Variants in SDK1 observed in about 807,000 individuals in gnomAD.
SDK1 encodes sidekick cell adhesion molecule 1, also known as protein sidekick-1.
SDK1 carries 157 observed loss-of-function variants against 245.5 expected under a neutral mutation model. The observed-to-expected ratio is 0.64, with a 90% confidence interval of 0.56 to 0.73. The LOEUF is 0.73. Among genes scored for constraint, SDK1 ranks in the 30% least tolerant of loss-of-function variants. The probability of loss-of-function intolerance (pLI) is 0.00; values close to 1 mark genes in which losing one functional copy is unlikely to be tolerated. For missense variants in SDK1, 3,583 were observed against 3,002.3 expected (o/e 1.19, Z -4.52); for synonymous variants, 1,647 against 1,278.5 (o/e 1.29, Z -6.15).
intron 4 of SDK1, among the ~76,000 whole-genome samples, chr7:3,704,123 T>C (rs887466543): frequency 3.3e-5 from 5 of 152,180 alleles, no homozygotes; most frequent in Non-Finnish European, 5.9e-5. Flanking sequence ...CTTCCACTTA[T>C]AAGTGAGAAC....
At chr7:4,107,123 G>A (rs932390003) in intron 22 of SDK1, among the ~76,000 whole-genome samples, 3 of 135,600 alleles carry the variant, frequency 2.2e-5, no homozygotes, top group African/African-American at 9.0e-5. Flanking sequence ...GGGTGGGGAG[G>A]GTGGGGAGGG....
At chr7:3,687,477 C>T (rs1784320835) in intron 4 of SDK1, among the ~76,000 whole-genome samples, 1 of 152,208 alleles carries the variant, frequency 6.6e-6, no homozygotes, top group Admixed American at 6.5e-5. Flanking sequence ...TCCCAAATGT[C>T]CCTCAGCTGG....
chr7:3,709,677 G>T (rs1784985960), intron 4 of SDK1, among the ~76,000 whole-genome samples: 1 of 152,120 alleles, frequency 6.6e-6, no homozygotes, highest in South Asian at 2.1e-4. Flanking sequence ...TGCTAACACT[G>T]CCTCCAATCC....
At chr7:3,436,612 T>C (rs1314141563) in intron 1 of SDK1, among the ~76,000 whole-genome samples, 1 of 152,230 alleles carries the variant, frequency 6.6e-6, no homozygotes, top group African/African-American at 2.4e-5. Context: ...GATTATACTT[T>C]AGAAAGTACT....
At chr7:3,622,614 G>T (rs1454484060) in intron 2 of SDK1, among the ~76,000 whole-genome samples, 2 of 152,168 alleles carry the variant, frequency 1.3e-5, no homozygotes, top group Non-Finnish European at 2.9e-5. Flanking sequence ...GGAAGAGGTG[G>T]AACACTCTTT....
chr7:4,087,471 A>T lies in SDK1; in HGVS notation c.3324+7887A>T, dbSNP rs564423058. Among the ~76,000 whole-genome samples, 33 of 108,078 alleles carry T rather than the reference A, an allele frequency of 3.1e-4. 1 individual carries two copies. The highest frequency in any genetic ancestry group is 2.3e-3 in the African/African-American group (32 of 13,834). The allele number at this position is 108,078 out of a possible 152,430, so 70.9% of individuals were successfully genotyped here. On this transcript the variant is annotated intron_variant, in intron 22 of 44. Transcript: ENST00000404826. ...ATAACCAATGTGTGTGCACAGACAC[A>T]CACGCGCGCACACACACACACACAC...
intron 4 of SDK1, chr7:3,642,714 C>T (rs758375846): frequency 6.6e-6 from 1 of 152,112 alleles, no homozygotes; most frequent in Non-Finnish European, 1.5e-5. Context: ...ATCTAATGCC[C>T]GACAGGTTTT....
intron 14 of SDK1, among the ~76,000 whole-genome samples, chr7:3,990,240 C>T (rs914410853): frequency 3.9e-5 from 6 of 152,254 alleles, no homozygotes; most frequent in Non-Finnish European, 8.8e-5. Context: ...CAGTCCTGGG[C>T]ACCACCTCGG....
At chr7:4,178,841 A>G (rs1054232249) in intron 35 of SDK1, among the ~76,000 whole-genome samples, 1 of 152,252 alleles carries the variant, frequency 6.6e-6, no homozygotes, top group Non-Finnish European at 1.5e-5. Flanking sequence ...ACCTGGGGCC[A>G]TCATATTTAC....
At chr7:3,367,290 G>C (rs1468061515) in intron 1 of SDK1, among the ~76,000 whole-genome samples, 1 of 151,998 alleles carries the variant, frequency 6.6e-6, no homozygotes, top group African/African-American at 2.4e-5. Flanking sequence ...ACAATGGATG[G>C]AATAGAAAAG....
chr7:3,835,165 G>A (rs1205138899), intron 5 of SDK1, among the ~76,000 whole-genome samples: 1 of 152,170 alleles, frequency 6.6e-6, no homozygotes, highest in Non-Finnish European at 1.5e-5. Flanking sequence ...AGTAGGACAA[G>A]TGACTTGAAG....
chr7:3,773,419 C>T (rs1236494059), intron 4 of SDK1, among the ~76,000 whole-genome samples: 5 of 151,756 alleles, frequency 3.3e-5, no homozygotes, highest in Non-Finnish European at 5.9e-5. Context: ...ATTTATATTT[C>T]CATTTTGTTC....
intron 4 of SDK1, among the ~76,000 whole-genome samples, chr7:3,727,815 G>A (rs1401081188): frequency 6.6e-6 from 1 of 152,002 alleles, no homozygotes; most frequent in Non-Finnish European, 1.5e-5. Flanking sequence ...TGAGTCACCA[G>A]GAATAAAATA....
chr7:3,394,631 A>G (rs1781846249), intron 1 of SDK1, among the ~76,000 whole-genome samples: 1 of 152,096 alleles, frequency 6.6e-6, no homozygotes, highest in African/African-American at 2.4e-5. Context: ...TTTTAACAAT[A>G]TTGAGTCTTT....
chr7:3,701,313 G>A (rs139694848), intron 4 of SDK1, among the ~76,000 whole-genome samples: 46 of 152,324 alleles, frequency 3.0e-4, no homozygotes, highest in African/African-American at 8.4e-4. Context: ...CCAACATGCC[G>A]TGTTCAACAT....
At chr7:3,900,708 G>A (rs899461488) in intron 5 of SDK1, among the ~76,000 whole-genome samples, 18 of 151,872 alleles carry the variant, frequency 1.2e-4, no homozygotes, top group Admixed American at 1.1e-3. Context: ...GCATTTGGCC[G>A]CTTCGAGTCC....
At chr7:3,831,113 A>C (rs190166388) in intron 5 of SDK1, among the ~76,000 whole-genome samples, 32 of 152,332 alleles carry the variant, frequency 2.1e-4, no homozygotes, top group Admixed American at 1.5e-3. Flanking sequence ...TTTTTCCTGC[A>C]GTCATTTTAC....
intron 17 of SDK1, among the ~76,000 whole-genome samples, chr7:4,031,957 G>C (rs764046801): frequency 2.6e-5 from 4 of 151,246 alleles, no homozygotes; most frequent in Non-Finnish European, 5.9e-5. Flanking sequence ...AACCTGAGAG[G>C]CAGAGGTTGC....
chr7:3,738,206 T>C (rs565468488), intron 4 of SDK1, among the ~76,000 whole-genome samples: 5 of 152,188 alleles, frequency 3.3e-5, no homozygotes, highest in Non-Finnish European at 7.4e-5. Flanking sequence ...CTTTGTTCTG[T>C]TTTGAGTTAA....
Sources: gnomAD v4.1 joint callset for allele counts (sites outside exome capture counted in the v4.1 genomes callset) on GRCh38, gnomAD v4.1.1 for gene constraint, MANE v1.5 for transcripts, NCBI Gene and HGNC (gene_info 2026-07-23, HGNC 2026-07-21) for gene names.